The following SLC46A1 variants were observed in gnomAD, a reference collection of about 807,000 sequenced individuals.
The protein encoded by SLC46A1 is proton-coupled folate transporter.
Under a neutral mutation model 32.1 loss-of-function variants are expected in SLC46A1, and 17 were observed. That is an observed-to-expected ratio of 0.53 (90% confidence interval 0.36 to 0.79). SLC46A1 has a LOEUF of 0.79. SLC46A1 is among the 30% of genes least tolerant of loss of function. The probability of loss-of-function intolerance (pLI) is 0.00; values close to 1 mark genes in which losing one functional copy is unlikely to be tolerated. For synonymous variants in SLC46A1, 240 were observed against 262.7 expected (o/e 0.91, Z 0.84); for missense variants, 517 against 588.2 (o/e 0.88, Z 1.25).
chr17:28,396,060 G>C lies in SLC46A1; in HGVS notation c.*3596C>G. The C allele has an allele frequency of 4.3e-6, 7 of 1,613,416 alleles. No individual in the cohort carries two copies. Among genetic ancestry groups the C allele is most frequent in the Non-Finnish European group, 5.9e-6 (7 of 1,179,542 alleles). On this transcript the variant is annotated 3_prime_UTR_variant, in exon 5 of 5. Transcript: ENST00000612814. ...CAGGGCCCTGGGACCAGGGGGGTAG[G>C]GTACAAATCACCATGACAGGCAGAG...
intron 3 of SLC46A1, 100 bp downstream of exon 3, chr17:28,402,138 G>A (rs1369934181): frequency 1.4e-5 from 14 of 1,012,336 alleles, no homozygotes; most frequent in Non-Finnish European, 2.0e-5. Flanking sequence ...AGGGTGAGAG[G>A]GGGGAAGGCA....
rs2068119753 is a variant in SLC46A1, at chr17:28,396,129, T to G, written c.*3527A>C. The G allele has an allele frequency of 6.2e-7, 1 of 1,613,828 alleles. No individual in the cohort carries two copies. Among genetic ancestry groups the G allele is most frequent in the South Asian group, 1.1e-5 (1 of 91,082 alleles). Reference sequence around the variant, plus strand: ...TAGCAGCTCCCTCTGCCCAGCTGTCTGAACCACATTGGCTCCTGTGCCCAC... The same window carrying G: ...TAGCAGCTCCCTCTGCCCAGCTGTCGGAACCACATTGGCTCCTGTGCCCAC... On this transcript the variant is annotated 3_prime_UTR_variant, in exon 5 of 5. Transcript: ENST00000612814.
chr17:28,402,203 T>G, intron 3 of SLC46A1, 35 bp downstream of exon 3: 4 of 1,589,592 alleles, frequency 2.5e-6, no homozygotes, highest in Non-Finnish European at 3.4e-6. Flanking sequence ...GCACTGGACA[T>G]GAGGAACCAG....
rs782044138 is a variant in SLC46A1, at chr17:28,400,745, G to T, written c.1187C>A (p.Ala396Asp). The change falls in exon 4 of 5, where the codon GCC becomes GAC. Residue 396 changes from alanine to aspartate, a missense_variant. Coordinates refer to ENST00000612814, the MANE Select transcript of SLC46A1 (RefSeq NM_080669.6). ...TEQGALFSAVACVNSLAMLTA... is the reference protein window; with the variant it reads ...TEQGALFSAVDCVNSLAMLTA... Reference sequence around the variant, plus strand: ...CAGCATGGCCAGGCTATTCACACAGGCCACAGCAGAAAAGAGAGCACCTGT... The same window carrying T: ...CAGCATGGCCAGGCTATTCACACAGTCCACAGCAGAAAAGAGAGCACCTGT... The T allele has an allele frequency of 1.4e-5, 22 of 1,584,850 alleles. No individual in the cohort carries two copies. Among genetic ancestry groups the T allele is most frequent in the Non-Finnish European group, 3.4e-6 (4 of 1,165,528 alleles).
chr17:28,395,710 A>C lies in SLC46A1; in HGVS notation c.*3946T>G. 2 of 587,428 alleles carry C rather than the reference A, an allele frequency of 3.4e-6. No individual in the cohort carries two copies. Among genetic ancestry groups the C allele is most frequent in the Non-Finnish European group, 6.0e-6 (2 of 334,198 alleles). The allele number at this position is 587,428 out of a possible 1,614,324, so 36.4% of individuals were successfully genotyped here. A position where few individuals can be genotyped will look rare whatever the true frequency, so the allele number is the denominator to read the frequency against. ...CCAAGGGTTTTAGCAGCTCTGTGCC[A>C]GGAACTCTGGGCAAAGGAAAAATAT... is the stretch of plus-strand genomic sequence containing the variant. On this transcript the variant is annotated 3_prime_UTR_variant, in exon 5 of 5. Coordinates refer to ENST00000612814, the MANE Select transcript of SLC46A1 (RefSeq NM_080669.6).
chr17:28,396,190 G>A lies in SLC46A1; in HGVS notation c.*3466C>T, dbSNP rs782331635. ...ACGAATACCAGGAGGCCACCATTGA[G>A]AAGATCATCCGCTTCCTGCAGGGCC... On this transcript the variant is annotated 3_prime_UTR_variant, in exon 5 of 5. Coordinates refer to ENST00000612814, the MANE Select transcript of SLC46A1 (RefSeq NM_080669.6). 1 of 1,614,002 alleles carries A rather than the reference G, an allele frequency of 6.2e-7. No homozygotes were observed. The highest frequency in any genetic ancestry group is 8.5e-7 in the Non-Finnish European group (1 of 1,179,868).
chr17:28,406,225 G>T (rs1222460496), upstream of SLC46A1: 1 of 817,098 alleles, frequency 1.2e-6, no homozygotes, highest in Non-Finnish European at 1.7e-6. This position sits in a 1 kb window ranked among gnomAD's most constrained non-coding sequence, Gnocchi z 4.5. Flanking sequence ...GCCTGCGCCC[G>T]GCGTCCCTCC....
Position 28,405,321 on chromosome 17 carries a change from G to C in SLC46A1, c.376C>G (p.Leu126Val), listed in dbSNP as rs2068245635. ...LLVLASLGLLLQALVSVFVVQ... is the reference protein window; with the variant it reads ...LLVLASLGLLVQALVSVFVVQ... Reference sequence around the variant, plus strand: ...ACAAAAACGGACACTAGGGCCTGGAGCAGCAGGCCCAGCGAGGCCAGCACT... The same window carrying C: ...ACAAAAACGGACACTAGGGCCTGGACCAGCAGGCCCAGCGAGGCCAGCACT... Residue 126 changes from leucine to valine, a missense_variant, in exon 2 of 5, where the codon CTC becomes GTC. Coordinates refer to ENST00000612814, the MANE Select transcript of SLC46A1 (RefSeq NM_080669.6). 2 of 1,590,212 alleles carry C rather than the reference G, an allele frequency of 1.3e-6. No individual in the cohort carries two copies. The highest frequency in any genetic ancestry group is 1.7e-6 in the Non-Finnish European group (2 of 1,169,104).
At position 28,406,025 on chromosome 17, in the gene SLC46A1, G is replaced by C. The variant is rs1555591344; in HGVS notation, c.90C>G (p.Phe30Leu). The change falls in exon 1 of 5, where the codon TTC becomes TTG. Residue 30 changes from phenylalanine to leucine, a missense_variant. Physicochemically the swap from Phe to Leu is conservative, Grantham distance 22 (BLOSUM62 0). Coordinates refer to ENST00000612814, the MANE Select transcript of SLC46A1 (RefSeq NM_080669.6). The surrounding 1 kb of genome is among the most constrained non-coding windows in gnomAD (Gnocchi z 4.5). ...LCRGPVEPLV[F>L]LANFALVLQG... ...GCAGGACCAAGGCAAAGTTGGCCAG[G>C]AAGACCAGCGGCTCTACCGGGCCCC... 3 of 1,609,252 alleles carry C rather than the reference G, an allele frequency of 1.9e-6. No homozygotes were observed. Among genetic ancestry groups the C allele is most frequent in the South Asian group, 2.2e-5 (2 of 90,436 alleles).
Position 28,404,870 on chromosome 17 carries a change from A to T in SLC46A1, c.827T>A (p.Val276Glu), listed in dbSNP as rs1555590545. 6.2e-7 allele frequency: 1 copy of T among 1,614,054 alleles called. No individual in the cohort carries two copies. The highest frequency in any genetic ancestry group is 1.1e-5 in the South Asian group (1 of 91,086). ...HLALYSLAIF[V>E]VITVHFGAQD... is the part of the protein sequence containing the mutation. ...GGCCCCAAAGTGCACAGTGATCACC[A>T]CGAAGATGGCCAGTGAGTAGAGGGC... is the stretch of plus-strand genomic sequence containing the variant. The change falls in exon 2 of 5, where the codon GTG becomes GAG. Residue 276 changes from valine (V) to glutamate (E), a missense_variant. Val to Glu is a moderately radical substitution (Grantham distance 121, BLOSUM62 -2). Transcript: ENST00000612814.
intron 2 of SLC46A1, 61 bp downstream of exon 2, chr17:28,404,555 C>T (rs1198207161): frequency 2.5e-6 from 4 of 1,593,614 alleles, no homozygotes; most frequent in South Asian, 1.1e-5. Flanking sequence ...AGTGAGTGGC[C>T]GGCCCCCAGT....
chr17:28,402,456 G>A, intron 2 of SLC46A1, 135 bp from the exon 3 acceptor site: 1 of 697,134 alleles, frequency 1.4e-6, no homozygotes, highest in Non-Finnish European at 2.5e-6. Flanking sequence ...GATGGTGAGG[G>A]TGGGAAGACA....
chr17:28,400,264 A>G (rs559501607), intron 4 of SLC46A1: 12 of 298,714 alleles, frequency 4.0e-5, no homozygotes, highest in South Asian at 2.1e-4. Context: ...CCCAGCCACA[A>G]CTAGCTGACA....
Position 28,405,874 on chromosome 17 carries a change from G to C in SLC46A1, c.228+13C>G. The C allele has an allele frequency of 6.4e-7, 1 of 1,552,960 alleles. No individual in the cohort carries two copies. The highest frequency in any genetic ancestry group is 8.7e-7 in the Non-Finnish European group (1 of 1,148,844). On this transcript the variant is annotated intron_variant, in intron 1 of 4. Transcript: ENST00000612814. ...GGGCCCTCCACCTGCCAGGCTCCTC[G>C]CCGCCCCGCTACCTGCATGGTGGGG...
In SLC46A1 at chr17:28,402,410, C is replaced by T. The variant is rs4795436; in HGVS notation, c.1082-89G>A. ...CAGCAGAGCTCCTATCCATACCCCA[C>T]GTGGGGCTTAGGTTAGACCCAGGAA... On this transcript the variant is annotated intron_variant, in intron 2 of 4. Coordinates refer to ENST00000612814, the MANE Select transcript of SLC46A1 (RefSeq NM_080669.6). 0.94 allele frequency: 1,037,860 copies of T among 1,105,748 alleles called. 488,381 individuals carry two copies. Among genetic ancestry groups the T allele is most frequent in the Non-Finnish European group, 0.96 (717,762 of 745,710 alleles). The allele number at this position is 1,105,748 out of a possible 1,614,324, so 68.5% of individuals were successfully genotyped here.
At position 28,399,792 on chromosome 17, in the gene SLC46A1, A is replaced by T; in HGVS notation, c.1323-79T>A. The T allele has an allele frequency of 2.0e-6, 3 of 1,498,304 alleles. No homozygotes were observed. In the East Asian group the frequency reaches 6.8e-5, roughly 34 times the overall value. 92.8% of individuals were successfully genotyped at this position (1,498,304 alleles called of 1,614,324 possible). ...TGTCTGGAGAAGTGACACAGGATTT[A>T]CTGGGGTGGGCTGGTCCAGGTAGCT... On this transcript the variant is annotated intron_variant, in intron 4 of 4. Transcript: ENST00000612814.
chr17:28,399,977 T>C, intron 4 of SLC46A1: 1 of 457,686 alleles, frequency 2.2e-6, no homozygotes, highest in Non-Finnish European at 4.0e-6. Flanking sequence ...CACTGTACCC[T>C]TGAACTCCTG....
In SLC46A1 at chr17:28,405,391, G is replaced by C; in HGVS notation, c.306C>G (p.Thr102=). Residue 102 remains threonine, a synonymous_variant, in exon 2 of 5, where the codon ACC becomes ACG. Transcript: ENST00000612814. ...CACTGTCGCTCCAAGCTCCCAGCAG[G>C]GTGGACGAGAAGAGCCCCACCAGGA... ...GGFLVGLFSS[T]LLGAWSDSVG... The C allele has an allele frequency of 6.3e-7, 1 of 1,586,776 alleles. No homozygotes were observed. Among genetic ancestry groups the C allele is most frequent in the Non-Finnish European group, 8.6e-7 (1 of 1,167,264 alleles).
Position 28,396,619 on chromosome 17 carries a change from C to A in SLC46A1, c.*3037G>T. The stretch of plus-strand genomic sequence containing the variant: ...GGTGGTTCTGCATTCCCTTCTCCTG[C>A]TGATAGCAGTCAGCTTGAGGAGGAT... On this transcript the variant is annotated 3_prime_UTR_variant, in exon 5 of 5. Coordinates refer to ENST00000612814, the MANE Select transcript of SLC46A1 (RefSeq NM_080669.6). 3.5e-6 allele frequency: 1 copy of A among 289,778 alleles called. No homozygotes were observed. Among genetic ancestry groups the A allele is most frequent in the Non-Finnish European group, 6.5e-6 (1 of 152,858 alleles). The allele number at this position is 289,778 out of a possible 1,614,324, so 18.0% of individuals were successfully genotyped here. A position where few individuals can be genotyped will look rare whatever the true frequency, so the allele number is the denominator to read the frequency against.
Sources: gnomAD v4.1 joint callset for allele counts on GRCh38, gnomAD v4.1.1 for gene constraint, Gnocchi (gnomAD v3.1) non-coding constraint, MANE v1.5 for transcripts, NCBI Gene and HGNC (gene_info 2026-07-23, HGNC 2026-07-21) for gene names.